Variants in TMEM132C observed in about 807,000 individuals in gnomAD.
The protein encoded by TMEM132C is protein phosphatase 1, regulatory subunit 152.
TMEM132C carries 29 observed loss-of-function variants against 61.4 expected under a neutral mutation model. The observed-to-expected ratio is 0.47, with a 90% CI of 0.35 to 0.64. TMEM132C has a LOEUF of 0.64. Ranked by LOEUF, TMEM132C falls within the 30% of genes least tolerant of loss-of-function variation. The pLI, the probability that TMEM132C is intolerant of heterozygous loss-of-function variation, is 0.00. For missense variants in TMEM132C, 1,408 were observed against 1,476.9 expected (o/e 0.95, Z 0.76); for synonymous variants, 656 against 633.1 (o/e 1.04, Z -0.54).
At chr12:128,480,654 G>A (rs1277967491) in intron 2 of TMEM132C, among the ~76,000 whole-genome samples, 8 of 151,826 alleles carry the variant, frequency 5.3e-5, no homozygotes, top group Non-Finnish European at 1.2e-4. Flanking sequence ...GCTGAATTTT[G>A]GGAATTCCCG....
intron 2 of TMEM132C, among the ~76,000 whole-genome samples, chr12:128,443,635 C>G (rs1869872706): frequency 6.6e-6 from 1 of 152,144 alleles, no homozygotes; most frequent in African/African-American, 2.4e-5. Flanking sequence ...TTTAAAGTCT[C>G]TCTCTGGATG....
intron 2 of TMEM132C, among the ~76,000 whole-genome samples, chr12:128,496,949 C>T (rs138836635): frequency 0.014 from 2,061 of 152,266 alleles, 22 homozygotes; most frequent in Non-Finnish European, 0.022. Flanking sequence ...TGTTTTTTCC[C>T]GATCTTTGTG....
intron 2 of TMEM132C, among the ~76,000 whole-genome samples, chr12:128,522,781 C>T (rs1872951119): frequency 6.6e-6 from 1 of 152,112 alleles, no homozygotes; most frequent in South Asian, 2.1e-4. Flanking sequence ...TTATTATTAG[C>T]ATTGATGCCG....
chr12:128,500,338 G>T (rs1423847080), intron 2 of TMEM132C, among the ~76,000 whole-genome samples: 1 of 152,042 alleles, frequency 6.6e-6, no homozygotes, highest in Non-Finnish European at 1.5e-5. Context: ...AGATAAAATA[G>T]ATCAACCAGA....
chr12:128,324,668 A>T (rs1328548037), intron 1 of TMEM132C, among the ~76,000 whole-genome samples: 1 of 152,142 alleles, frequency 6.6e-6, no homozygotes, highest in African/African-American at 2.4e-5. Flanking sequence ...AAGACCAGCC[A>T]GGGCAACATG....
At chr12:128,652,201 A>C (rs1954278041) in intron 4 of TMEM132C, among the ~76,000 whole-genome samples, 1 of 152,130 alleles carries the variant, frequency 6.6e-6, no homozygotes, top group Non-Finnish European at 1.5e-5. Context: ...CCACATAACT[A>C]GATAATGAGA....
chr12:128,475,493 A>C (rs1348910004), intron 2 of TMEM132C, among the ~76,000 whole-genome samples: 3 of 152,184 alleles, frequency 2.0e-5, no homozygotes, highest in Non-Finnish European at 4.4e-5. Flanking sequence ...AGATGGTTGC[A>C]CAAATTTGTG....
chr12:128,668,208 A>G (rs1195400236), intron 4 of TMEM132C, among the ~76,000 whole-genome samples: 2 of 152,084 alleles, frequency 1.3e-5, no homozygotes, highest in Non-Finnish European at 2.9e-5. Context: ...TGAGGCCAGG[A>G]GTTCAAGACC....
intron 3 of TMEM132C, among the ~76,000 whole-genome samples, chr12:128,589,354 C>T (rs1875666407): frequency 6.6e-6 from 1 of 152,080 alleles, no homozygotes; most frequent in Admixed American, 6.5e-5. Flanking sequence ...CATCCCTCCG[C>T]CCAGACCTCC....
chr12:128,351,769 C>T (rs1414879728), intron 1 of TMEM132C, among the ~76,000 whole-genome samples: 1 of 152,206 alleles, frequency 6.6e-6, no homozygotes, highest in Non-Finnish European at 1.5e-5. Context: ...GGAATCCACC[C>T]TCAGGATCCA....
intron 1 of TMEM132C, among the ~76,000 whole-genome samples, chr12:128,379,840 C>G (rs1874345335): frequency 6.6e-6 from 1 of 152,298 alleles, no homozygotes; most frequent in African/African-American, 2.4e-5. Flanking sequence ...CCACTTTAAA[C>G]CCAAGAGGAG....
chr12:128,442,726 A>C (rs1311179573), intron 2 of TMEM132C, among the ~76,000 whole-genome samples: 1 of 152,190 alleles, frequency 6.6e-6, no homozygotes, highest in Non-Finnish European at 1.5e-5. Context: ...ATTAAGGTGA[A>C]ATTCACATGA....
At chr12:128,424,137 T>C (rs1302915154) in intron 2 of TMEM132C, among the ~76,000 whole-genome samples, 1 of 146,820 alleles carries the variant, frequency 6.8e-6, no homozygotes, top group Admixed American at 6.8e-5. Flanking sequence ...AAGGGCAGAG[T>C]CACAGATTCC....
At chr12:128,516,773 G>T (rs752607936) in intron 2 of TMEM132C, among the ~76,000 whole-genome samples, 2 of 152,032 alleles carry the variant, frequency 1.3e-5, no homozygotes, top group East Asian at 1.9e-4. Context: ...AATTAGCCAG[G>T]TGTGGTGGTA....
chr12:128,473,546 C>G (rs917498870), intron 2 of TMEM132C, among the ~76,000 whole-genome samples: 9 of 148,130 alleles, frequency 6.1e-5, no homozygotes, highest in Middle Eastern at 7.0e-3. Context: ...ATCTTCACTC[C>G]AGCATCCATC....
At chr12:128,331,732 A>G (rs1362902600) in intron 1 of TMEM132C, among the ~76,000 whole-genome samples, 1 of 152,234 alleles carries the variant, frequency 6.6e-6, no homozygotes, top group Non-Finnish European at 1.5e-5. Flanking sequence ...CAATAAACAT[A>G]CCAGTGTAGG....
At chr12:128,485,994 C>T (rs539539126) in intron 2 of TMEM132C, among the ~76,000 whole-genome samples, 3 of 152,266 alleles carry the variant, frequency 2.0e-5, no homozygotes, top group African/African-American at 7.2e-5. Flanking sequence ...ATGGCTTCTC[C>T]CTGGATAGTC....
chr12:128,273,755 C>T (rs926632864), intron 1 of TMEM132C, among the ~76,000 whole-genome samples: 3 of 152,112 alleles, frequency 2.0e-5, no homozygotes, highest in Non-Finnish European at 2.9e-5. Context: ...TTAATCATTA[C>T]TTGCATTCAA....
At chr12:128,342,660 C>T (rs1023931148) in intron 1 of TMEM132C, among the ~76,000 whole-genome samples, 1 of 152,176 alleles carries the variant, frequency 6.6e-6, no homozygotes, top group Non-Finnish European at 1.5e-5. Flanking sequence ...AGCCAAGGCT[C>T]CTCTTCAGAC....
Sources: allele counts gnomAD v4.1 joint callset (sites outside exome capture counted in the v4.1 genomes callset), GRCh38; gene constraint gnomAD v4.1.1; transcripts MANE v1.5; gene names NCBI Gene and HGNC (gene_info 2026-07-23, HGNC 2026-07-21).